Variants in ZNF385D observed in about 807,000 individuals in gnomAD.
ZNF385D encodes zinc finger protein 385D, also known as zinc finger protein 659.
In ZNF385D, 15 loss-of-function variants were observed where a neutral mutation model predicts 35.8. That is an observed-to-expected ratio of 0.42 (90% CI 0.28 to 0.64). ZNF385D has a LOEUF of 0.64. Ranked by LOEUF, ZNF385D falls within the 30% of genes least tolerant of loss-of-function variation. ZNF385D has a pLI of 0.23. For synonymous variants in ZNF385D, 212 were observed against 186.8 expected (o/e 1.13, Z -1.10); for missense variants, 474 against 494.6 (o/e 0.96, Z 0.39).
chr3:21,982,079 GTTT>G (rs59719489), intron 3 of ZNF385D, among the ~76,000 whole-genome samples: 3 of 133,246 alleles, frequency 2.3e-5, no homozygotes, highest in Admixed American at 7.6e-5. Flanking sequence ...TTTTAAAATA[GTTT>G]TTTTTTTTTT....
At chr3:21,870,720 T>G (rs1327253564) in intron 3 of ZNF385D, among the ~76,000 whole-genome samples, 1 of 152,136 alleles carries the variant, frequency 6.6e-6, no homozygotes, top group African/African-American at 2.4e-5. Flanking sequence ...TAGGCGTGCG[T>G]GTGTGCGTGT....
chr3:22,059,800 G>T (rs1463915603), intron 3 of ZNF385D, among the ~76,000 whole-genome samples: 1 of 152,190 alleles, frequency 6.6e-6, no homozygotes, highest in East Asian at 1.9e-4. Flanking sequence ...TGGGCTAAGG[G>T]ATGCTCTGGT....
At chr3:21,839,226 A>G (rs1695513483) in intron 3 of ZNF385D, among the ~76,000 whole-genome samples, 1 of 151,964 alleles carries the variant, frequency 6.6e-6, no homozygotes, top group Non-Finnish European at 1.5e-5. Flanking sequence ...ACATTTTTTT[A>G]GTATCATCAC....
At chr3:22,046,172 G>A (rs1463073546) in intron 3 of ZNF385D, among the ~76,000 whole-genome samples, 2 of 152,082 alleles carry the variant, frequency 1.3e-5, no homozygotes, top group South Asian at 4.1e-4. Flanking sequence ...TGGCCACTAA[G>A]AGGAAAAAGT....
Position 22,195,648 on chromosome 3 carries a change from C to T in ZNF385D, c.107-26613G>A, listed in dbSNP as rs1461309008. Among the ~76,000 whole-genome samples the T allele has an allele frequency of 3.3e-5, 5 of 151,966 alleles. No homozygotes were observed. The Admixed American group carries it at 3.3e-4, about 10-fold the overall frequency. On this transcript the variant is annotated intron_variant, in intron 2 of 5. Transcript: ENST00000494108. ...TTCAAAAATGACTATACTTTTTACA[C>T]TACTAACAAAGCATGACGATGCCAG...
intron 1 of ZNF385D, among the ~76,000 whole-genome samples, chr3:21,722,417 T>A (rs2068581873): frequency 6.6e-6 from 1 of 152,178 alleles, no homozygotes; most frequent in Non-Finnish European, 1.5e-5. Context: ...ATCTAGTGCT[T>A]AGGTCTTGTT....
chr3:22,197,584 T>C (rs1157269679), intron 2 of ZNF385D, among the ~76,000 whole-genome samples: 3 of 152,100 alleles, frequency 2.0e-5, no homozygotes, highest in Admixed American at 6.6e-5. Flanking sequence ...CCCTTACTCC[T>C]AGAGTGCAGG....
At chr3:21,813,729 G>C (rs577307128) in intron 3 of ZNF385D, among the ~76,000 whole-genome samples, 2 of 152,276 alleles carry the variant, frequency 1.3e-5, no homozygotes, top group African/African-American at 4.8e-5. Context: ...CGTCTGATTG[G>C]TGTACCTGAC....
chr3:21,812,269 G>T (rs1160668111), intron 3 of ZNF385D, among the ~76,000 whole-genome samples: 2 of 152,252 alleles, frequency 1.3e-5, no homozygotes, highest in Non-Finnish European at 2.9e-5. Flanking sequence ...CCAGTCTACA[G>T]CTCCCAGCAT....
intron 3 of ZNF385D, among the ~76,000 whole-genome samples, chr3:21,557,281 G>T (rs1052376745): frequency 2.0e-5 from 3 of 152,186 alleles, no homozygotes; most frequent in Admixed American, 2.0e-4. Flanking sequence ...TGCCCATTCA[G>T]TGTGATACTG....
intron 3 of ZNF385D, among the ~76,000 whole-genome samples, chr3:21,998,852 A>G (rs1308663677): frequency 6.6e-6 from 1 of 152,210 alleles, no homozygotes; most frequent in Non-Finnish European, 1.5e-5. Flanking sequence ...ACACATAGAC[A>G]CAGACACACA....
intron 3 of ZNF385D, among the ~76,000 whole-genome samples, chr3:21,924,129 T>TA (rs1348328146): frequency 1.3e-5 from 2 of 152,182 alleles, no homozygotes; most frequent in East Asian, 1.9e-4. Context: ...ATTTATGCAT[T>TA]AAAAAAGTAA....
intron 3 of ZNF385D, among the ~76,000 whole-genome samples, chr3:22,003,005 GAACTAGA>G (rs1277751181): frequency 6.6e-6 from 1 of 152,130 alleles, no homozygotes; most frequent in African/African-American, 2.4e-5. Context: ...TTTTCTCTAA[GAACTAGA>G]ATAAGAAAAG....
At chr3:22,224,240 A>G (rs1282607496) in intron 2 of ZNF385D, among the ~76,000 whole-genome samples, 2 of 152,188 alleles carry the variant, frequency 1.3e-5, no homozygotes, top group African/African-American at 4.8e-5. Context: ...CATCCATGAA[A>G]AGAGATATAA....
intron 2 of ZNF385D, among the ~76,000 whole-genome samples, chr3:22,370,958 C>G (rs1696875042): frequency 6.6e-6 from 1 of 152,166 alleles, no homozygotes; most frequent in Non-Finnish European, 1.5e-5. Context: ...TTCCTTAAAT[C>G]TGAGATAATA....
intron 3 of ZNF385D, among the ~76,000 whole-genome samples, chr3:21,909,772 T>C (rs1295869227): frequency 1.3e-5 from 2 of 151,998 alleles, no homozygotes; most frequent in African/African-American, 4.8e-5. Flanking sequence ...ACCACTTAAA[T>C]TTAACGAGTT....
chr3:21,921,139 T>C (rs974264404), intron 3 of ZNF385D, among the ~76,000 whole-genome samples: 3 of 143,992 alleles, frequency 2.1e-5, no homozygotes, highest in Admixed American at 1.5e-4. Flanking sequence ...AGGAGAATGG[T>C]GTGAACCCGG....
In ZNF385D at chr3:21,996,637, T is replaced by C. The variant is rs139310260; in HGVS notation, c.325+172180A>G. On this transcript the variant is annotated intron_variant, in intron 3 of 5. Transcript: ENST00000494108. ...ACATATGTTTCAGCTTATGTTAGCA[T>C]AGTTGTAGTTGTTCAGACTTCAACT... Among the ~76,000 whole-genome samples, 392 of 152,358 alleles carry C rather than the reference T, an allele frequency of 2.6e-3. 2 individuals are homozygous for C. Among genetic ancestry groups the C allele is most frequent in the African/African-American group, 9.0e-3 (373 of 41,586 alleles).
intron 2 of ZNF385D, among the ~76,000 whole-genome samples, chr3:22,242,937 G>A (rs1699576545): frequency 6.6e-6 from 1 of 150,892 alleles, no homozygotes; most frequent in Non-Finnish European, 1.5e-5. Flanking sequence ...CAAATCTTAG[G>A]AGAAAAGCTA....
Sources: gnomAD v4.1 joint callset for allele counts (sites outside exome capture counted in the v4.1 genomes callset) on GRCh38, gnomAD v4.1.1 for gene constraint, MANE v1.5 for transcripts, NCBI Gene and HGNC (gene_info 2026-07-23, HGNC 2026-07-21) for gene names.